ADK: variants seen among roughly 807,000 people sequenced by gnomAD.
ADK encodes the protein adenosine kinase, also known as N6,N6-dimethyladenosine kinase.
A neutral mutation model predicts 44.7 loss-of-function variants in ADK; 24 were observed. The observed-to-expected ratio is 0.54, with a 90% CI of 0.39 to 0.76. ADK has a LOEUF of 0.76. Ranked by LOEUF, ADK falls within the 30% of genes least tolerant of loss-of-function variation. The probability of loss-of-function intolerance (pLI) is 0.00; values close to 1 mark genes in which losing one functional copy is unlikely to be tolerated. For missense variants in ADK, 321 were observed against 425.1 expected, an observed-to-expected ratio of 0.76 and a Z score of 2.15; for synonymous variants, 128 against 142.6, an observed-to-expected ratio of 0.90 and a Z score of 0.73.
intron 4 of ADK, among the ~76,000 whole-genome samples, chr10:74,365,156 T>C (rs1225027177): frequency 6.6e-6 from 1 of 151,944 alleles, no homozygotes; most frequent in Non-Finnish European, 1.5e-5. Flanking sequence ...CATTTTAAAG[T>C]ATACAATTCA....
intron 3 of ADK, among the ~76,000 whole-genome samples, chr10:74,300,539 G>C (rs1416859160): frequency 1.3e-5 from 2 of 151,896 alleles, no homozygotes; most frequent in African/African-American, 4.8e-5. Flanking sequence ...ACCATGCCCA[G>C]CTAAGCTTTT....
intron 9 of ADK, among the ~76,000 whole-genome samples, chr10:74,629,855 G>A (rs888440100): frequency 6.6e-6 from 1 of 152,104 alleles, no homozygotes; most frequent in Non-Finnish European, 1.5e-5. Flanking sequence ...GTACATCTTA[G>A]AAATTCGAGA....
chr10:74,596,363 G>T (rs1409859054), intron 8 of ADK, among the ~76,000 whole-genome samples: 1 of 152,078 alleles, frequency 6.6e-6, no homozygotes, highest in East Asian at 1.9e-4. Flanking sequence ...GAGTAGTTCA[G>T]ATTTAATGAG....
At chr10:74,547,202 A>G (rs1849851582) in intron 7 of ADK, among the ~76,000 whole-genome samples, 1 of 151,978 alleles carries the variant, frequency 6.6e-6, no homozygotes, top group South Asian at 2.1e-4. Context: ...ACCATAGTAC[A>G]TATTCAGATT....
At chr10:74,402,719 T>C (rs970166991) in intron 6 of ADK, among the ~76,000 whole-genome samples, 5 of 152,104 alleles carry the variant, frequency 3.3e-5, no homozygotes, top group Non-Finnish European at 5.9e-5. Flanking sequence ...AAGTTTGTTA[T>C]TACCTATCTT....
chr10:74,554,737 G>C (rs1171840235), intron 7 of ADK, among the ~76,000 whole-genome samples: 1 of 151,156 alleles, frequency 6.6e-6, no homozygotes, highest in African/African-American at 2.4e-5. Context: ...TTGAGCTCAG[G>C]AGTTTGAGAC....
At chr10:74,594,925 C>G (rs1851849521) in intron 8 of ADK, among the ~76,000 whole-genome samples, 4 of 152,080 alleles carry the variant, frequency 2.6e-5, no homozygotes, top group Admixed American at 2.0e-4. Context: ...CCTGTAATCC[C>G]AGCACTTTGG....
chr10:74,352,670 A>C (rs938165138), intron 4 of ADK, among the ~76,000 whole-genome samples: 5 of 152,194 alleles, frequency 3.3e-5, no homozygotes, highest in African/African-American at 1.2e-4. Flanking sequence ...TTTGCAATCT[A>C]TCCATCTGAC....
intron 6 of ADK, among the ~76,000 whole-genome samples, chr10:74,440,737 C>T (rs181258759): frequency 3.3e-5 from 5 of 152,136 alleles, no homozygotes; most frequent in East Asian, 1.9e-4. Flanking sequence ...ACCAATTCAG[C>T]GCATAATTGT....
Position 74,350,507 on chromosome 10 carries a change from A to G in ADK, c.273+35762A>G, listed in dbSNP as rs147709111. ...CCCCAACATCACAATTAAAAGAACT[A>G]GAGAAGCAACAGCAAACAAATTCAA... On this transcript the variant is annotated intron_variant, in intron 4 of 10. Coordinates refer to ENST00000539909, the MANE Select transcript of ADK (RefSeq NM_006721.4). Among the ~76,000 whole-genome samples, 1,095 of 152,340 alleles carry G rather than the reference A, an allele frequency of 7.2e-3. 10 individuals carry two copies. Among genetic ancestry groups the G allele is most frequent in the Non-Finnish European group, 0.011 (734 of 68,032 alleles).
intron 4 of ADK, among the ~76,000 whole-genome samples, chr10:74,348,711 A>G (rs1425995261): frequency 6.6e-6 from 1 of 151,824 alleles, no homozygotes; most frequent in East Asian, 1.9e-4. Context: ...TTTAGAGAGG[A>G]ACATAAATGA....
intron 6 of ADK, among the ~76,000 whole-genome samples, chr10:74,513,467 A>G (rs1278587886): frequency 1.3e-5 from 2 of 152,134 alleles, no homozygotes; most frequent in Non-Finnish European, 2.9e-5. Context: ...TGTTGGATCA[A>G]TCCTTTTATA....
intron 4 of ADK, chr10:74,372,082 TGC>T: frequency 1.3e-6 from 1 of 754,328 alleles, no homozygotes; most frequent in East Asian, 2.4e-5. Flanking sequence ...CGGGAAGGTT[TGC>T]GCGCGTGTGG....
chr10:74,464,791 T>C (rs1030954194), intron 6 of ADK, among the ~76,000 whole-genome samples: 2 of 151,702 alleles, frequency 1.3e-5, no homozygotes, highest in Non-Finnish European at 2.9e-5. Flanking sequence ...GATGCTACAG[T>C]GAGCTATGAT....
intron 3 of ADK, among the ~76,000 whole-genome samples, chr10:74,232,624 T>G (rs1844813908): frequency 7.2e-6 from 1 of 138,492 alleles, no homozygotes; most frequent in Admixed American, 7.9e-5. Context: ...TATAAGGATT[T>G]AAAAAAAAAA....
chr10:74,449,617 A>G (rs374201942), intron 6 of ADK, among the ~76,000 whole-genome samples: 1 of 152,238 alleles, frequency 6.6e-6, no homozygotes, highest in Non-Finnish European at 1.5e-5. Context: ...AAACAAAGGT[A>G]TCTTAATGTT....
intron 6 of ADK, among the ~76,000 whole-genome samples, chr10:74,427,109 G>A (rs1415777771): frequency 6.6e-6 from 1 of 152,322 alleles, no homozygotes. Flanking sequence ...ATGAACACCA[G>A]ATTCAACTAT....
intron 6 of ADK, among the ~76,000 whole-genome samples, chr10:74,419,823 C>A (rs1016894494): frequency 6.6e-6 from 1 of 152,076 alleles, no homozygotes; most frequent in African/African-American, 2.4e-5. Flanking sequence ...ATAACCCCAG[C>A]ATGTAATTTA....
chr10:74,243,213 C>T (rs1397762491), intron 3 of ADK, among the ~76,000 whole-genome samples: 2 of 152,182 alleles, frequency 1.3e-5, no homozygotes, highest in Non-Finnish European at 2.9e-5. Flanking sequence ...CACCTGGGTG[C>T]TGCTGTGGGA....
Sources: gnomAD v4.1 joint callset for allele counts (sites outside exome capture counted in the v4.1 genomes callset) on GRCh38, gnomAD v4.1.1 for gene constraint, MANE v1.5 for transcripts, NCBI Gene and HGNC (gene_info 2026-07-23, HGNC 2026-07-21) for gene names.